The following DNAH5 variants were observed in gnomAD, a reference collection of about 807,000 sequenced individuals.
DNAH5 encodes the protein axonemal beta dynein heavy chain 5.
A neutral mutation model predicts 518.2 loss-of-function variants in DNAH5; 372 were observed. That is an observed-to-expected ratio of 0.72 (90% confidence interval 0.66 to 0.78). The LOEUF (loss-of-function observed/expected upper bound fraction) is 0.78. DNAH5 is among the 30% of genes least tolerant of loss of function. DNAH5 has a pLI of 0.00. For missense variants in DNAH5, 5,523 were observed against 5,687.0 expected (o/e 0.97, Z 0.93); for synonymous variants, 2,039 against 2,025.9 (o/e 1.01, Z -0.17).
At chr5:13,796,194 G>A (rs1271720824) in intron 47 of DNAH5, among the ~76,000 whole-genome samples, 1 of 152,140 alleles carries the variant, frequency 6.6e-6, no homozygotes, top group African/African-American at 2.4e-5. Context: ...TGGAAGTTCT[G>A]GCCAGGGCAA....
chr5:13,804,821 T>C (rs979572531), intron 47 of DNAH5, among the ~76,000 whole-genome samples: 5 of 152,250 alleles, frequency 3.3e-5, no homozygotes, highest in African/African-American at 1.2e-4. Flanking sequence ...ATTTATTATA[T>C]GGTTTATGAA....
chr5:13,795,228 CA>C (rs1299813597), intron 47 of DNAH5, among the ~76,000 whole-genome samples: 1 of 151,744 alleles, frequency 6.6e-6, no homozygotes, highest in East Asian at 1.9e-4. Context: ...GACAGACACA[CA>C]AAAAACCCTT....
intron 49 of DNAH5, among the ~76,000 whole-genome samples, chr5:13,793,147 A>G (rs1187412782): frequency 1.3e-5 from 2 of 152,222 alleles, no homozygotes; most frequent in Non-Finnish European, 2.9e-5. Context: ...AGTATAAGCT[A>G]CATAAACTTT....
upstream of DNAH5, among the ~76,000 whole-genome samples, chr5:13,946,967 C>T (rs1489641451): frequency 6.6e-6 from 1 of 152,164 alleles, no homozygotes; most frequent in African/African-American, 2.4e-5. Context: ...TTATCCTATG[C>T]AACACTCGGA....
intron 12 of DNAH5, among the ~76,000 whole-genome samples, chr5:13,904,657 T>G (rs1775068738): frequency 6.6e-6 from 1 of 152,102 alleles, no homozygotes; most frequent in South Asian, 2.1e-4. Context: ...ACACCTTTAA[T>G]CCCAGAACAT....
chr5:13,795,939 C>A (rs1757753056), intron 47 of DNAH5, among the ~76,000 whole-genome samples: 1 of 152,084 alleles, frequency 6.6e-6, no homozygotes, highest in Admixed American at 6.5e-5. Context: ...ACAGAACCAA[C>A]AACAAAAACC....
At chr5:13,866,078 T>C in intron 26 of DNAH5, 142 bp downstream of exon 26, 1 of 891,850 alleles carries the variant, frequency 1.1e-6, no homozygotes, top group Non-Finnish European at 1.8e-6. Context: ...CTAATTGTAA[T>C]CCTACAATAT....
chr5:13,852,785 A>G (rs997406267), intron 30 of DNAH5, among the ~76,000 whole-genome samples: 1 of 152,174 alleles, frequency 6.6e-6, no homozygotes, highest in Non-Finnish European at 1.5e-5. Flanking sequence ...CCACTGCAGC[A>G]CCACAAAGCT....
chr5:13,917,127 G>T lies in DNAH5; in HGVS notation c.1089+16C>A. On this transcript the variant is annotated intron_variant, in intron 8 of 78. Coordinates refer to ENST00000265104, the MANE Select transcript of DNAH5 (RefSeq NM_001369.3). ...GGGTTATCTATAGACTGAAAGAGTA[G>T]AAATCCTTAACTCACGGGATCACTG... The T allele has an allele frequency of 6.3e-7, 1 of 1,586,000 alleles. No homozygotes were observed.
Position 13,700,716 on chromosome 5 carries a change from G to A in DNAH5, c.13647C>T (p.Asn4549=). 6.2e-7 allele frequency: 1 copy of A among 1,614,114 alleles called. No individual in the cohort carries two copies. ...TTGGCTTTGATTCAATGAGTTTCAT[G>A]TTCCTCTTGTCCCAGCCAGCACCTT... is the stretch of plus-strand genomic sequence containing the variant. ...YLEGAGWDKR[N]MKLIESKPKV... Residue 4549 remains asparagine (N), a synonymous_variant, in exon 78 of 79, where the codon AAC becomes AAT. Coordinates refer to ENST00000265104, the MANE Select transcript of DNAH5 (RefSeq NM_001369.3).
chr5:13,967,350 T>C (rs1170953012), intron 1 of DNAH5, among the ~76,000 whole-genome samples: 1 of 152,234 alleles, frequency 6.6e-6, no homozygotes, highest in African/African-American at 2.4e-5. Flanking sequence ...AGTTGATTTT[T>C]GTGTAAGGTG....
intron 55 of DNAH5, among the ~76,000 whole-genome samples, chr5:13,775,715 G>C (rs1314524783): frequency 6.6e-6 from 1 of 152,136 alleles, no homozygotes; most frequent in Non-Finnish European, 1.5e-5. Flanking sequence ...GGTGAGGGCA[G>C]TAGAAGTGGG....
chr5:13,864,198 A>G lies in DNAH5; in HGVS notation c.4596+199T>C, dbSNP rs72735025. Among the ~76,000 whole-genome samples the G allele has an allele frequency of 0.26, 38,825 of 152,186 alleles. 5,542 individuals are homozygous for G. The highest frequency in any genetic ancestry group is 0.4 in the South Asian group (1,922 of 4,820). On this transcript the variant is annotated intron_variant, in intron 28 of 78. Transcript: ENST00000265104. ...TTATTTAATAATCTGTAAATGCAGG[A>G]CTGCATTGTTATATCCTGATGCAGA...
chr5:13,813,410 G>T, intron 43 of DNAH5, among the ~76,000 whole-genome samples: 1 of 145,558 alleles, frequency 6.9e-6, no homozygotes, highest in African/African-American at 2.5e-5. Flanking sequence ...TGTACCTGTG[G>T]TTTCCAAGCC....
chr5:13,797,654 C>G lies in DNAH5; in HGVS notation c.7888-3596G>C, dbSNP rs1202762360. Reference sequence around the variant, plus strand: ...TGTGGAAGACAGTGTGGTGATTCCTCAAGGACCTAGAACTAGAATTACCAT... The same window carrying G: ...TGTGGAAGACAGTGTGGTGATTCCTGAAGGACCTAGAACTAGAATTACCAT... On this transcript the variant is annotated intron_variant, in intron 47 of 78. Coordinates refer to ENST00000265104, the MANE Select transcript of DNAH5 (RefSeq NM_001369.3). 4.6e-5 allele frequency among the ~76,000 whole-genome samples: 7 copies of G among 152,262 alleles called. No individual in the cohort carries two copies. The South Asian group carries it at 1.5e-3, about 32-fold the overall frequency.
chr5:13,842,482 A>AG (rs1491444135), intron 32 of DNAH5, among the ~76,000 whole-genome samples: 3 of 54,080 alleles, frequency 5.5e-5, no homozygotes, highest in Non-Finnish European at 1.1e-4. Context: ...AAAGAAAGAA[A>AG]GAGAAAGAAA....
At chr5:13,917,306 C>T in intron 7 of DNAH5, 50 bp from the exon 8 acceptor site, 1 of 1,362,462 alleles carries the variant, frequency 7.3e-7, no homozygotes, top group East Asian at 2.3e-5. Context: ...AATAGAGGAA[C>T]TTCCAACACA....
rs777327256 is a variant in DNAH5, at chr5:13,868,003, AT to A, written c.3835-12del. 6.1e-5 allele frequency: 88 copies of A among 1,449,644 alleles called. No homozygotes were observed. Among genetic ancestry groups the A allele is most frequent in the Non-Finnish European group, 8.0e-5 (83 of 1,032,494 alleles). The allele number at this position is 1,449,644 out of a possible 1,614,324, so 89.8% of individuals were successfully genotyped here. On this transcript the variant is annotated splice_polypyrimidine_tract_variant and intron_variant, in intron 24 of 78. Transcript: ENST00000265104. ...CAGGGCATAAGATTCCTAAAAAAAAATAGGAAAAACTTAATTTTGGCCAGTC... is the reference window on the plus strand; with the variant it reads ...CAGGGCATAAGATTCCTAAAAAAAAAAGGAAAAACTTAATTTTGGCCAGTC...
At chr5:13,831,230 G>C (rs924630) in intron 35 of DNAH5, among the ~76,000 whole-genome samples, 28,809 of 152,244 alleles carry the variant, frequency 0.19, 3,119 homozygotes, top group Middle Eastern at 0.31. Flanking sequence ...ATTTGATGTA[G>C]TTGGGATTTA....
Sources: allele counts gnomAD v4.1 joint callset (sites outside exome capture counted in the v4.1 genomes callset), GRCh38; gene constraint gnomAD v4.1.1; transcripts MANE v1.5; gene names NCBI Gene and HGNC (gene_info 2026-07-23, HGNC 2026-07-21).